FRMD4B: variants seen among roughly 807,000 people sequenced by gnomAD.
FRMD4B encodes FERM domain-containing protein 4B.
FRMD4B carries 74 observed loss-of-function variants against 141.5 expected under a neutral mutation model. The ratio of observed to expected loss-of-function variants is 0.52; its 90% confidence interval spans 0.43 to 0.63. The LOEUF is 0.63. Ranked by LOEUF, FRMD4B falls within the 30% of genes least tolerant of loss-of-function variation. The pLI is 0.00. For missense variants in FRMD4B, 1,366 were observed against 1,253.4 expected (o/e 1.09, Z -1.36); for synonymous variants, 506 against 467.9 (o/e 1.08, Z -1.05).
intron 1 of FRMD4B, among the ~76,000 whole-genome samples, chr3:69,354,562 G>C (rs770921073): frequency 2.0e-5 from 3 of 152,222 alleles, no homozygotes; most frequent in African/African-American, 7.2e-5. Context: ...CTGAGAATTG[G>C]TTCCCTCCTT....
At chr3:69,320,380 C>G (rs1296627447) in intron 1 of FRMD4B, among the ~76,000 whole-genome samples, 1 of 152,030 alleles carries the variant, frequency 6.6e-6, no homozygotes, top group Non-Finnish European at 1.5e-5. Flanking sequence ...ATTGTTTGAG[C>G]CCAGGAGTTT....
intron 2 of FRMD4B, among the ~76,000 whole-genome samples, chr3:69,403,739 C>G (rs1704605333): frequency 6.6e-6 from 1 of 152,108 alleles, no homozygotes; most frequent in Non-Finnish European, 1.5e-5. Context: ...CAAGTATACT[C>G]CACTTATGAA....
chr3:69,232,428 G>A (rs79707447), intron 7 of FRMD4B, among the ~76,000 whole-genome samples: 3 of 152,110 alleles, frequency 2.0e-5, no homozygotes, highest in African/African-American at 4.8e-5. Flanking sequence ...TTCCTATTTC[G>A]ATAACTTTCC....
intron 5 of FRMD4B, among the ~76,000 whole-genome samples, chr3:69,258,828 G>A (rs2093508644): frequency 6.6e-6 from 1 of 151,986 alleles, no homozygotes; most frequent in African/African-American, 2.4e-5. Context: ...AGAACCTGTG[G>A]GGCCATGAGA....
intron 1 of FRMD4B, among the ~76,000 whole-genome samples, chr3:69,362,764 T>C (rs6774867): frequency 0.37 from 55,614 of 150,548 alleles, 12,162 homozygotes; most frequent in African/African-American, 0.62. Context: ...AAAAATCCCA[T>C]ACTTTTTAAA....
chr3:69,480,071 C>A (rs1442564881), intron 1 of FRMD4B, among the ~76,000 whole-genome samples: 2 of 152,166 alleles, frequency 1.3e-5, no homozygotes, highest in Non-Finnish European at 2.9e-5. Context: ...CTCCTTTAAG[C>A]ACTTCTCTGT....
At chr3:69,472,483 A>G in intron 1 of FRMD4B, 1 of 369,698 alleles carries the variant, frequency 2.7e-6, no homozygotes, top group Non-Finnish European at 5.4e-6. Flanking sequence ...TGTAGTTACA[A>G]CTGTTCTTTC....
chr3:69,326,512 T>C (rs1287791660), intron 1 of FRMD4B, among the ~76,000 whole-genome samples: 4 of 152,254 alleles, frequency 2.6e-5, no homozygotes, highest in Non-Finnish European at 5.9e-5. Flanking sequence ...CTCCATAAAA[T>C]GCAAGTTAAT....
chr3:69,449,518 C>A (rs1705461644), intron 1 of FRMD4B, among the ~76,000 whole-genome samples: 1 of 152,154 alleles, frequency 6.6e-6, no homozygotes, highest in African/African-American at 2.4e-5. Flanking sequence ...TCCTAGCCCC[C>A]ATTCAAATAA....
chr3:69,382,980 T>C (rs1488217394), intron 1 of FRMD4B, among the ~76,000 whole-genome samples: 1 of 152,192 alleles, frequency 6.6e-6, no homozygotes, highest in Non-Finnish European at 1.5e-5. Flanking sequence ...TAGGCAAGTT[T>C]GAATTGGGTT....
intron 2 of FRMD4B, among the ~76,000 whole-genome samples, chr3:69,397,693 T>C (rs1704495085): frequency 6.6e-6 from 1 of 152,150 alleles, no homozygotes; most frequent in Non-Finnish European, 1.5e-5. Context: ...ATTAGATTAG[T>C]AGTTGCCTAG....
At chr3:69,401,476 G>C (rs1704562268) in intron 2 of FRMD4B, among the ~76,000 whole-genome samples, 1 of 152,168 alleles carries the variant, frequency 6.6e-6, no homozygotes, top group Non-Finnish European at 1.5e-5. Flanking sequence ...TGTTGTTCCA[G>C]GAAGATGTGC....
chr3:69,399,770 C>T (rs888694420), intron 2 of FRMD4B, among the ~76,000 whole-genome samples: 10 of 152,142 alleles, frequency 6.6e-5, no homozygotes, highest in African/African-American at 9.7e-5. Context: ...CCATCACTGC[C>T]GCTTAAACTT....
chr3:69,194,980 T>C (rs1476223348), intron 16 of FRMD4B, 42 bp downstream of exon 16: 3 of 1,580,838 alleles, frequency 1.9e-6, no homozygotes, highest in African/African-American at 2.7e-5. Context: ...ACAGCTTTCC[T>C]GTCTTATGAT....
intron 2 of FRMD4B, among the ~76,000 whole-genome samples, chr3:69,419,702 T>A (rs1704937702): frequency 6.6e-6 from 1 of 152,142 alleles, no homozygotes; most frequent in Non-Finnish European, 1.5e-5. Context: ...AGTGCATGGA[T>A]GGCAACTCCA....
At position 69,536,855 on chromosome 3, in the gene FRMD4B, T is replaced by G. The variant is rs55746200; in HGVS notation, c.-129+5351A>C. Among the ~76,000 whole-genome samples the G allele has an allele frequency of 8.4e-3, 1,284 of 152,272 alleles. 16 individuals carry two copies. The highest frequency in any genetic ancestry group is 0.029 in the African/African-American group (1,199 of 41,554). Reference sequence around the variant, plus strand: ...TCAACCTCCTGGGCTCAAGTGATTCTTCCACCTCAGCCTTCTGAGTACCTG... The same window carrying G: ...TCAACCTCCTGGGCTCAAGTGATTCGTCCACCTCAGCCTTCTGAGTACCTG... On this transcript the variant is annotated intron_variant, in intron 1 of 5. Transcript: ENST00000459638.
At chr3:69,383,316 G>C (rs927584360) in intron 1 of FRMD4B, among the ~76,000 whole-genome samples, 5 of 152,096 alleles carry the variant, frequency 3.3e-5, no homozygotes, top group African/African-American at 4.8e-5. Flanking sequence ...CCTTTGCAAA[G>C]GATTATGTTG....
chr3:69,383,377 T>C (rs1316547328), intron 1 of FRMD4B, among the ~76,000 whole-genome samples: 1 of 152,224 alleles, frequency 6.6e-6, no homozygotes, highest in East Asian at 1.9e-4. Context: ...ATCTTATTTT[T>C]GCAAAAGCAC....
At chr3:69,440,219 C>A (rs9826545) in intron 1 of FRMD4B, among the ~76,000 whole-genome samples, 1,563 of 152,286 alleles carry the variant, frequency 0.01, 25 homozygotes, top group African/African-American at 0.034. Context: ...ATCCATCTCA[C>A]AATTTATTCT....
Sources: allele counts gnomAD v4.1 joint callset (sites outside exome capture counted in the v4.1 genomes callset), GRCh38; gene constraint gnomAD v4.1.1; transcripts MANE v1.5; gene names NCBI Gene and HGNC (gene_info 2026-07-23, HGNC 2026-07-21).